The following C3orf49 variants were observed in gnomAD, a reference collection of about 807,000 sequenced individuals.
C3orf49 encodes putative uncharacterized protein C3orf49.
Under a neutral mutation model 13.3 loss-of-function variants are expected in C3orf49, and 27 were observed. The observed-to-expected ratio is 2.02, with a 90% CI of 1.49 to 2.79. The LOEUF (loss-of-function observed/expected upper bound fraction) is 2.79, where lower values mean the gene tolerates loss of function less well. Among genes scored for constraint, C3orf49 ranks in the 30% most tolerant of loss-of-function variants. The probability of loss-of-function intolerance (pLI) is 0.00; values close to 1 mark genes in which losing one functional copy is unlikely to be tolerated. For missense variants in C3orf49, 242 were observed against 134.2 expected (o/e 1.80, Z -3.97); for synonymous variants, 87 against 47.6 (o/e 1.83, Z -3.40).
At chr3:63,793,214 A>T in the C3orf49 span, among the ~76,000 whole-genome samples, 1 of 152,122 alleles carries the variant, frequency 6.6e-6, no homozygotes, top group Non-Finnish European at 1.5e-5. Flanking sequence ...CTCAAGCATA[A>T]ATTATAATCA....
chr3:63,846,066 A>T, intron 6 of C3orf49: 1 of 285,036 alleles, frequency 3.5e-6, no homozygotes, highest in South Asian at 2.9e-5. Context: ...CACTGTAAAG[A>T]GCTAATGAAA....
the C3orf49 span, among the ~76,000 whole-genome samples, chr3:63,795,004 C>A: frequency 2.2e-3 from 333 of 152,280 alleles, 2 homozygotes; most frequent in South Asian, 0.018. Context: ...GTTGCCGTCC[C>A]GTCTCCCTTT....
At chr3:63,835,374 C>T (rs1328032785) in intron 5 of C3orf49, 1 of 1,613,152 alleles carries the variant, frequency 6.2e-7, no homozygotes, top group Non-Finnish European at 8.5e-7. Context: ...AATTCTTTTC[C>T]CAGAGCCTCT....
intron 6 of C3orf49, among the ~76,000 whole-genome samples, chr3:63,847,176 C>T (rs1310125221): frequency 6.6e-6 from 1 of 152,128 alleles, no homozygotes; most frequent in East Asian, 1.9e-4. Context: ...TAAAATCAGG[C>T]TTCCCACCCA....
Position 63,848,609 on chromosome 3 carries a change from T to G in C3orf49, c.*276T>G, listed in dbSNP as rs1701954216. The G allele has an allele frequency of 6.6e-6, 1 of 152,192 alleles. No individual in the cohort carries two copies. The highest frequency in any genetic ancestry group is 6.5e-5 in the Admixed American group (1 of 15,274). 9.4% of individuals were successfully genotyped at this position (152,192 alleles called of 1,614,324 possible). On this transcript the variant is annotated 3_prime_UTR_variant, in exon 7 of 7. Transcript: ENST00000295896. The stretch of plus-strand genomic sequence containing the variant: ...TGATGCTGTGGCATGTCTTTAACCT[T>G]GGCAAAATAAACTCCTAAATTGATT...
chr3:63,837,081 T>C (rs891425471), intron 5 of C3orf49, among the ~76,000 whole-genome samples: 1 of 152,028 alleles, frequency 6.6e-6, no homozygotes, highest in African/African-American at 2.4e-5. Flanking sequence ...GAAATTAAGC[T>C]TCATCTTAAT....
At chr3:63,793,529 C>A in the C3orf49 span, among the ~76,000 whole-genome samples, 1 of 152,026 alleles carries the variant, frequency 6.6e-6, no homozygotes, top group African/African-American at 2.4e-5. Context: ...GTCTCCAGCA[C>A]TCCCCACAAC....
intron 5 of C3orf49, among the ~76,000 whole-genome samples, chr3:63,841,993 A>C (rs1244850760): frequency 6.6e-6 from 1 of 152,198 alleles, no homozygotes; most frequent in African/African-American, 2.4e-5. Flanking sequence ...TCAAATGTAA[A>C]TACATTAAAG....
Position 63,827,596 on chromosome 3 carries a change from T to G in C3orf49, c.446-5T>G, listed in dbSNP as rs1701480684. ...TACAGATTCCTTTTTCCCCCTTTCT[T>G]GAAGCGACTATACAACTTGATGTTG... On this transcript the variant is annotated splice_polypyrimidine_tract_variant and splice_region_variant and intron_variant, in intron 2 of 6. Coordinates refer to ENST00000295896, the MANE Select transcript of C3orf49 (RefSeq NM_001355236.2). The G allele has an allele frequency of 1.4e-6, 1 of 700,742 alleles. No individual in the cohort carries two copies. The highest frequency in any genetic ancestry group is 1.8e-5 in the African/African-American group (1 of 57,090). The allele number at this position is 700,742 out of a possible 1,614,324, so 43.4% of individuals were successfully genotyped here. A position where few individuals can be genotyped will look rare whatever the true frequency, so the allele number is the denominator to read the frequency against.
upstream of C3orf49, among the ~76,000 whole-genome samples, chr3:63,818,948 G>C (rs1180228344): frequency 2.0e-5 from 3 of 152,224 alleles, no homozygotes; most frequent in Admixed American, 1.3e-4. Context: ...ACAGGACACA[G>C]AGAACATTCA....
At chr3:63,840,564 G>A (rs753410202) in intron 5 of C3orf49, among the ~76,000 whole-genome samples, 11 of 152,072 alleles carry the variant, frequency 7.2e-5, no homozygotes, top group South Asian at 4.1e-4. Flanking sequence ...GGACTCCAGC[G>A]CCTATTGGCA....
the C3orf49 span, among the ~76,000 whole-genome samples, chr3:63,811,768 T>C: frequency 3.3e-5 from 5 of 150,830 alleles, no homozygotes; most frequent in African/African-American, 9.8e-5. Context: ...CAAAGACAAA[T>C]TGTGAAAAAA....
intron 3 of C3orf49, among the ~76,000 whole-genome samples, chr3:63,830,567 C>T (rs1039841724): frequency 6.6e-6 from 1 of 152,098 alleles, no homozygotes; most frequent in Non-Finnish European, 1.5e-5. Context: ...GAATGATTTC[C>T]AATTGCAACA....
chr3:63,825,953 A>G (rs1024625611), intron 2 of C3orf49, among the ~76,000 whole-genome samples: 1 of 152,242 alleles, frequency 6.6e-6, no homozygotes, highest in Non-Finnish European at 1.5e-5. Flanking sequence ...AAGGATGTCT[A>G]AGACATAAAG....
the C3orf49 span, among the ~76,000 whole-genome samples, chr3:63,802,534 T>C: frequency 2.0e-5 from 3 of 152,214 alleles, no homozygotes; most frequent in African/African-American, 7.2e-5. Context: ...CTAAAGCTTG[T>C]CTTTAATACA....
chr3:63,832,152 C>A, intron 5 of C3orf49: 1 of 236,058 alleles, frequency 4.2e-6, no homozygotes, highest in Non-Finnish European at 8.1e-6. Flanking sequence ...CGAGATCGCA[C>A]CACTGCACTC....
In C3orf49 at chr3:63,819,438, T is replaced by C; in HGVS notation, c.-34T>C. ...TCTGTAAGTTCAAGAACTAAAACAA[T>C]CCAAAACGGCTACTACAGGTGAAGT... On this transcript the variant is annotated 5_prime_UTR_variant, in exon 1 of 7. Transcript: ENST00000295896. 2.9e-6 allele frequency: 2 copies of C among 700,754 alleles called. No individual in the cohort carries two copies. The highest frequency in any genetic ancestry group is 2.0e-5 in the Admixed American group (1 of 49,552). 43.4% of individuals were successfully genotyped at this position (700,754 alleles called of 1,614,324 possible). A position where few individuals can be genotyped will look rare whatever the true frequency, so the allele number is the denominator to read the frequency against.
chr3:63,830,090 C>G (rs1424874987), intron 3 of C3orf49, among the ~76,000 whole-genome samples: 1 of 152,194 alleles, frequency 6.6e-6, no homozygotes, highest in Non-Finnish European at 1.5e-5. Flanking sequence ...GCCAATTCCT[C>G]ATGGCAACAA....
chr3:63,847,931 GA>G (rs928559983), intron 6 of C3orf49, among the ~76,000 whole-genome samples: 1 of 152,132 alleles, frequency 6.6e-6, no homozygotes, highest in African/African-American at 2.4e-5. Flanking sequence ...GCCATGATGG[GA>G]ATGGGGGTGG....
Sources: gnomAD v4.1 joint callset for allele counts (sites outside exome capture counted in the v4.1 genomes callset) on GRCh38, gnomAD v4.1.1 for gene constraint, MANE v1.5 for transcripts, NCBI Gene and HGNC (gene_info 2026-07-23, HGNC 2026-07-21) for gene names.